RAP2A: variants seen among roughly 807,000 people sequenced by gnomAD.
RAP2A encodes ras-related protein Rap-2a.
A neutral mutation model predicts 15.1 loss-of-function variants in RAP2A; 5 were observed. The ratio of observed to expected loss-of-function variants is 0.33; its 90% CI spans 0.17 to 0.70. The LOEUF (loss-of-function observed/expected upper bound fraction) is 0.70. RAP2A is among the 30% of genes least tolerant of loss of function. The pLI, the probability that RAP2A is intolerant of heterozygous loss-of-function variation, is 0.68. For missense variants in RAP2A, 111 were observed against 240.3 expected (o/e 0.46, Z 3.56); for synonymous variants, 110 against 99.7 (o/e 1.10, Z -0.62).
At chr13:97,459,312 A>G (rs1043954285) in intron 1 of RAP2A, among the ~76,000 whole-genome samples, 3 of 151,992 alleles carry the variant, frequency 2.0e-5, no homozygotes, top group Non-Finnish European at 4.4e-5. Flanking sequence ...GGGAAAATGA[A>G]GGCAACCTGC....
At chr13:97,459,989 C>T (rs916777603) in intron 1 of RAP2A, among the ~76,000 whole-genome samples, 4 of 152,158 alleles carry the variant, frequency 2.6e-5, no homozygotes, top group Admixed American at 2.6e-4. Flanking sequence ...CTATTTATGC[C>T]ACATCAGGCA....
At chr13:97,439,297 G>A (rs1594321822) in intron 1 of RAP2A, among the ~76,000 whole-genome samples, 2 of 152,254 alleles carry the variant, frequency 1.3e-5, no homozygotes, top group Non-Finnish European at 2.9e-5. Flanking sequence ...ATGTCTTAGT[G>A]GTAATAGACT....
chr13:97,457,212 G>A (rs1292408969), intron 1 of RAP2A, among the ~76,000 whole-genome samples: 7 of 151,298 alleles, frequency 4.6e-5, no homozygotes, highest in Non-Finnish European at 1.0e-4. Context: ...TGGCTCAAAA[G>A]GTATGCAAAA....
In RAP2A at chr13:97,464,648, G is replaced by A; in HGVS notation, c.*206G>A. 1 of 591,196 alleles carries A rather than the reference G, an allele frequency of 1.7e-6. No individual in the cohort carries two copies. The highest frequency in any genetic ancestry group is 3.0e-6 in the Non-Finnish European group (1 of 334,260). The allele number at this position is 591,196 out of a possible 1,614,324, so 36.6% of individuals were successfully genotyped here. ...CTACAGTTTTCACCATTTGTCCTCA[G>A]TCTCCTTTATGCATCTGCAACTTTA... On this transcript the variant is annotated 3_prime_UTR_variant, in exon 2 of 2. Coordinates refer to ENST00000245304, the MANE Select transcript of RAP2A (RefSeq NM_021033.7).
chr13:97,469,013 T>C lies in RAP2A; in HGVS notation c.*4571T>C, dbSNP rs1423610809. On this transcript the variant is annotated 3_prime_UTR_variant, in exon 2 of 2. Transcript: ENST00000245304. ...ACCTCGTTTCTTAATTTAAAATATGTTGCCACATAAATACTAATAAAACAT... is the reference window on the plus strand; with the variant it reads ...ACCTCGTTTCTTAATTTAAAATATGCTGCCACATAAATACTAATAAAACAT... The C allele has an allele frequency of 1.3e-5, 2 of 152,216 alleles. No homozygotes were observed. The highest frequency in any genetic ancestry group is 2.4e-5 in the African/African-American group (1 of 41,448). 9.4% of individuals were successfully genotyped at this position (152,216 alleles called of 1,614,324 possible).
At chr13:97,438,457 C>G (rs1454161718) in intron 1 of RAP2A, among the ~76,000 whole-genome samples, 2 of 152,184 alleles carry the variant, frequency 1.3e-5, no homozygotes, top group Non-Finnish European at 2.9e-5. Flanking sequence ...TTCACCCTCA[C>G]CCCTGCTTAA....
chr13:97,442,644 C>T (rs1191418107), intron 1 of RAP2A, among the ~76,000 whole-genome samples: 9 of 151,936 alleles, frequency 5.9e-5, no homozygotes, highest in East Asian at 1.9e-4. Context: ...TATTTTATTT[C>T]GTTGTTTTTA....
At position 97,468,192 on chromosome 13, in the gene RAP2A, A is replaced by C. The variant is rs1421671801; in HGVS notation, c.*3750A>C. On this transcript the variant is annotated 3_prime_UTR_variant, in exon 2 of 2. Coordinates refer to ENST00000245304, the MANE Select transcript of RAP2A (RefSeq NM_021033.7). Reference sequence around the variant, plus strand: ...TAAAAATAACATGTAAGAGACTGTAAAATCAGTTATTATAAATATAAACTT... The same window carrying C: ...TAAAAATAACATGTAAGAGACTGTACAATCAGTTATTATAAATATAAACTT... 8.6e-5 allele frequency: 13 copies of C among 152,006 alleles called. No homozygotes were observed. Among genetic ancestry groups the C allele is most frequent in the Non-Finnish European group, 1.9e-4 (13 of 67,888 alleles). 9.4% of individuals were successfully genotyped at this position (152,006 alleles called of 1,614,324 possible). A position where few individuals can be genotyped will look rare whatever the true frequency, so the allele number is the denominator to read the frequency against.
At chr13:97,440,518 G>C (rs931411500) in intron 1 of RAP2A, among the ~76,000 whole-genome samples, 1 of 152,154 alleles carries the variant, frequency 6.6e-6, no homozygotes, top group Non-Finnish European at 1.5e-5. Context: ...AGGATGAGAG[G>C]AGGGAAATAG....
At chr13:97,446,015 TG>T (rs2066677900) in intron 1 of RAP2A, among the ~76,000 whole-genome samples, 1 of 152,228 alleles carries the variant, frequency 6.6e-6, no homozygotes. Context: ...TAATGAGTCC[TG>T]AAGCTTTTCT....
At chr13:97,463,004 C>G (rs1420396939) in intron 1 of RAP2A, among the ~76,000 whole-genome samples, 7 of 91,566 alleles carry the variant, frequency 7.6e-5, no homozygotes, top group African/African-American at 2.3e-4. Flanking sequence ...GTGGTTTTCT[C>G]TTCTGACAGA....
At position 97,439,780 on chromosome 13, in the gene RAP2A, G is replaced by T. The variant is rs115729237; in HGVS notation, c.314+4996G>T. On this transcript the variant is annotated intron_variant, in intron 1 of 1. Transcript: ENST00000245304. ...ATGAATATAGCCAAGGATAGAACTC[G>T]AGAGTTGTAAGATACACAGTGGAGA... Among the ~76,000 whole-genome samples the T allele has an allele frequency of 7.8e-3, 1,188 of 152,264 alleles. 12 individuals carry two copies. Among genetic ancestry groups the T allele is most frequent in the Middle Eastern group, 0.027 (8 of 294 alleles).
intron 1 of RAP2A, among the ~76,000 whole-genome samples, chr13:97,438,248 G>C (rs1474362478): frequency 6.6e-6 from 1 of 152,128 alleles, no homozygotes; most frequent in Non-Finnish European, 1.5e-5. Flanking sequence ...TTTGCTGTTA[G>C]GAAAAAGTCC....
intron 1 of RAP2A, among the ~76,000 whole-genome samples, chr13:97,450,992 TAATA>T (rs1490117053): frequency 1.3e-5 from 2 of 152,196 alleles, no homozygotes; most frequent in Non-Finnish European, 2.9e-5. Flanking sequence ...ACTTCAGTGT[TAATA>T]TTCATTATGC....
chr13:97,435,145 G>C (rs2066627380), intron 1 of RAP2A, among the ~76,000 whole-genome samples: 1 of 152,108 alleles, frequency 6.6e-6, no homozygotes, highest in African/African-American at 2.4e-5. Flanking sequence ...TTTGCAGACT[G>C]AACAACAACA....
chr13:97,440,158 A>T (rs1251367353), intron 1 of RAP2A, among the ~76,000 whole-genome samples: 1 of 152,134 alleles, frequency 6.6e-6, no homozygotes, highest in Non-Finnish European at 1.5e-5. Context: ...TTTCCCTCTA[A>T]AAATACCTGC....
At chr13:97,455,289 TTTA>T (rs2066718395) in intron 1 of RAP2A, among the ~76,000 whole-genome samples, 1 of 151,528 alleles carries the variant, frequency 6.6e-6, no homozygotes, top group Non-Finnish European at 1.5e-5. Context: ...TATTTTTCTG[TTTA>T]TTTATAGAGT....
chr13:97,453,121 C>A (rs2066709623), intron 1 of RAP2A, among the ~76,000 whole-genome samples: 2 of 151,044 alleles, frequency 1.3e-5, no homozygotes, highest in South Asian at 2.1e-4. Context: ...CTTAAATATT[C>A]TTTTAATCAT....
rs1213920146 is a variant in RAP2A at position 97,467,191 on chromosome 13, TC to T, written c.*2750del. ...AAGGCAGCATCTTTGAATTTTTTTT[TC>T]TTTTGATGTTGCAACTTTTGGGTTC... On this transcript the variant is annotated 3_prime_UTR_variant, in exon 2 of 2. Transcript: ENST00000245304. 2 of 152,714 alleles carry T rather than the reference TC, an allele frequency of 1.3e-5. No individual in the cohort carries two copies. The highest frequency in any genetic ancestry group is 6.5e-5 in the Admixed American group (1 of 15,304). The allele number at this position is 152,714 out of a possible 1,614,324, so 9.5% of individuals were successfully genotyped here. A position where few individuals can be genotyped will look rare whatever the true frequency, so the allele number is the denominator to read the frequency against.
Sources: gnomAD v4.1 joint callset for allele counts (sites outside exome capture counted in the v4.1 genomes callset) on GRCh38, gnomAD v4.1.1 for gene constraint, MANE v1.5 for transcripts, NCBI Gene and HGNC (gene_info 2026-07-23, HGNC 2026-07-21) for gene names.